Variants in WWOX observed in about 807,000 individuals in gnomAD.
The protein encoded by WWOX is WW domain containing oxidoreductase, also known as WW domain-containing oxidoreductase.
Under a neutral mutation model 46.2 loss-of-function variants are expected in WWOX, and 69 were observed. That is an observed-to-expected ratio of 1.49 (90% CI 1.23 to 1.82). The LOEUF is 1.82. WWOX is among the 40% of genes most tolerant of loss of function. The pLI is 0.00. For synonymous variants in WWOX, 359 were observed against 202.6 expected (o/e 1.77, Z -6.56); for missense variants, 919 against 542.6 (o/e 1.69, Z -6.89).
At chr16:79,022,289 G>C (rs548858061) in intron 8 of WWOX, among the ~76,000 whole-genome samples, 1 of 146,718 alleles carries the variant, frequency 6.8e-6, no homozygotes, top group African/African-American at 2.5e-5. Context: ...AGCTCGCTCT[G>C]ATGCCTGTGT....
rs60560119 is a variant in WWOX, at chr16:78,734,841, C to CTTTTTTTTTTTTT, written c.1056+302119_1056+302131dup. ...GATGACTCAGGTGGGGACTTCAGTC[C>CTTTTTTTTTTTTT]TTTTTTTTTTTTTTTTTTTTTTTTT... On this transcript the variant is annotated intron_variant, in intron 8 of 8. Transcript: ENST00000566780. Among the ~76,000 whole-genome samples, 35 of 40,126 alleles carry CTTTTTTTTTTTTT rather than the reference C, an allele frequency of 8.7e-4. 11 individuals carry two copies. The highest frequency in any genetic ancestry group is 1.7e-3 in the Admixed American group (4 of 2,402). The allele number at this position is 40,126 out of a possible 152,430, so 26.3% of individuals were successfully genotyped here.
chr16:78,261,895 A>AAATTGACTGTG (rs943284776), intron 5 of WWOX, among the ~76,000 whole-genome samples: 9 of 150,192 alleles, frequency 6.0e-5, no homozygotes, highest in Admixed American at 4.6e-4. Flanking sequence ...TTGCATTAAG[A>AAATTGACTGTG]AATTGACTGT....
At chr16:78,229,531 TA>T (rs1422558614) in intron 5 of WWOX, among the ~76,000 whole-genome samples, 1 of 148,108 alleles carries the variant, frequency 6.8e-6, no homozygotes, top group African/African-American at 2.5e-5. Flanking sequence ...TATATATATA[TA>T]AAATAATGAA....
intron 5 of WWOX, among the ~76,000 whole-genome samples, chr16:78,193,043 T>G (rs1188636729): frequency 6.6e-6 from 1 of 152,232 alleles, no homozygotes; most frequent in African/African-American, 2.4e-5. Flanking sequence ...GGGCTCAGCT[T>G]CTCACAGCGT....
At chr16:78,140,705 T>C (rs572918888) in intron 4 of WWOX, among the ~76,000 whole-genome samples, 3 of 152,288 alleles carry the variant, frequency 2.0e-5, no homozygotes, top group South Asian at 2.1e-4. Flanking sequence ...TTTTACTGGG[T>C]GAGAGCCCAC....
chr16:78,757,667 TA>T (rs2049688714), intron 8 of WWOX, among the ~76,000 whole-genome samples: 1 of 151,854 alleles, frequency 6.6e-6, no homozygotes, highest in Non-Finnish European at 1.5e-5. Context: ...ATAAATACAT[TA>T]TATTTATTCA....
chr16:78,324,983 A>G (rs1277032679), intron 5 of WWOX, among the ~76,000 whole-genome samples: 2 of 152,228 alleles, frequency 1.3e-5, no homozygotes, highest in Admixed American at 1.3e-4. Context: ...CTTTGCTCCC[A>G]GAGAAAACCA....
chr16:78,498,147 G>C (rs1215955410), intron 8 of WWOX, among the ~76,000 whole-genome samples: 1 of 144,982 alleles, frequency 6.9e-6, no homozygotes, highest in Non-Finnish European at 1.5e-5. Flanking sequence ...GGAGCTTGCA[G>C]TGAGCCGAGA....
intron 5 of WWOX, among the ~76,000 whole-genome samples, chr16:78,381,103 G>C (rs2081946674): frequency 6.6e-6 from 1 of 152,174 alleles, no homozygotes; most frequent in Non-Finnish European, 1.5e-5. Context: ...AGGGCAGCCT[G>C]GCTCTGGTGT....
chr16:78,167,403 G>T (rs2035008893), intron 5 of WWOX: 1 of 152,154 alleles, frequency 6.6e-6, no homozygotes, highest in African/African-American at 2.4e-5. Flanking sequence ...TCCGATGATA[G>T]AATTTGCTGT....
chr16:78,866,542 A>C (rs2044007641), intron 8 of WWOX, among the ~76,000 whole-genome samples: 2 of 152,168 alleles, frequency 1.3e-5, no homozygotes, highest in Admixed American at 1.3e-4. Flanking sequence ...TATCGATAAA[A>C]GCTAATGTAC....
chr16:78,542,066 G>C (rs142240372), intron 8 of WWOX, among the ~76,000 whole-genome samples: 1,334 of 127,038 alleles, frequency 0.011, 6 homozygotes, highest in Non-Finnish European at 0.016. Context: ...ACAGACCCCA[G>C]CTTAGGACCT....
At chr16:78,767,522 C>G (rs1011291634) in intron 8 of WWOX, among the ~76,000 whole-genome samples, 2 of 151,490 alleles carry the variant, frequency 1.3e-5, no homozygotes, top group East Asian at 1.9e-4. Flanking sequence ...GAATAATACT[C>G]CTATGAACAT....
chr16:78,657,921 A>G (rs989177879), intron 8 of WWOX, among the ~76,000 whole-genome samples: 3 of 151,870 alleles, frequency 2.0e-5, no homozygotes, highest in Non-Finnish European at 4.4e-5. Context: ...ATAGTGTAAT[A>G]CTCAATAAAT....
chr16:78,634,807 G>A (rs568424463), intron 8 of WWOX, among the ~76,000 whole-genome samples: 123 of 133,558 alleles, frequency 9.2e-4, no homozygotes, highest in South Asian at 7.1e-4. Flanking sequence ...CTCAGCACCC[G>A]ACTGGAGAGA....
chr16:78,164,137 G>A (rs1439379697), intron 4 of WWOX, 46 bp from the exon 5 acceptor site: 1 of 1,537,136 alleles, frequency 6.5e-7, no homozygotes, highest in Admixed American at 1.7e-5. Context: ...ATGACTCACT[G>A]TGTTGATGTT....
chr16:78,561,606 A>T (rs189824152), intron 8 of WWOX, among the ~76,000 whole-genome samples: 1 of 152,214 alleles, frequency 6.6e-6, no homozygotes, highest in Admixed American at 6.5e-5. Flanking sequence ...AACAGAAAAA[A>T]AAAAGAGACC....
At chr16:78,356,071 TAAAAAAAAAAA>T (rs61113878) in intron 5 of WWOX, among the ~76,000 whole-genome samples, 2 of 76,124 alleles carry the variant, frequency 2.6e-5, no homozygotes, top group African/African-American at 9.3e-5. Flanking sequence ...TTTTTTTTCC[TAAAAAAAAAAA>T]AAAAAAAAAA....
intron 8 of WWOX, among the ~76,000 whole-genome samples, chr16:79,011,100 G>T (rs1292258586): frequency 1.3e-5 from 2 of 150,064 alleles, no homozygotes; most frequent in Non-Finnish European, 3.0e-5. Flanking sequence ...CTTTACATAT[G>T]ATATGTATGG....
Sources: gnomAD v4.1 joint callset for allele counts (sites outside exome capture counted in the v4.1 genomes callset) on GRCh38, gnomAD v4.1.1 for gene constraint, MANE v1.5 for transcripts, NCBI Gene and HGNC (gene_info 2026-07-23, HGNC 2026-07-21) for gene names.